The following ZBBX variants were observed in gnomAD, a reference collection of about 807,000 sequenced individuals.
The protein encoded by ZBBX is zinc finger B-box domain-containing protein 1.
A neutral mutation model predicts 108.5 loss-of-function variants in ZBBX; 101 were observed. The observed-to-expected ratio is 0.93, with a 90% CI of 0.79 to 1.10. The LOEUF (loss-of-function observed/expected upper bound fraction) is 1.10, where lower values mean the gene tolerates loss of function less well. Among genes scored for constraint, ZBBX ranks in the 50% least tolerant of loss-of-function variants. The pLI is 0.00. For synonymous variants in ZBBX, 356 were observed against 323.4 expected, an observed-to-expected ratio of 1.10 and a Z score of -1.08; for missense variants, 1,009 against 941.4, an observed-to-expected ratio of 1.07 and a Z score of -0.94.
intron 9 of ZBBX, among the ~76,000 whole-genome samples, chr3:167,336,701 A>C (rs1739612031): frequency 6.6e-6 from 1 of 152,228 alleles, no homozygotes; most frequent in Non-Finnish European, 1.5e-5. Flanking sequence ...GATTTCCCGA[A>C]ACTGAAAATA....
intron 18 of ZBBX, among the ~76,000 whole-genome samples, chr3:167,295,920 T>A (rs1022669821): frequency 1.7e-4 from 25 of 151,214 alleles, no homozygotes; most frequent in African/African-American, 5.6e-4. Flanking sequence ...CATCAACTCG[T>A]TGATACTAAT....
chr3:167,376,408 T>C (rs1347521734), intron 2 of ZBBX, among the ~76,000 whole-genome samples: 1 of 152,190 alleles, frequency 6.6e-6, no homozygotes, highest in Non-Finnish European at 1.5e-5. Context: ...CTACAATTGA[T>C]AACTTTGTCA....
At chr3:167,197,346 G>A in the ZBBX span, among the ~76,000 whole-genome samples, 3 of 152,112 alleles carry the variant, frequency 2.0e-5, no homozygotes, top group Non-Finnish European at 4.4e-5. Flanking sequence ...AGACCATCCT[G>A]GCTAACACGG....
At chr3:167,207,503 G>A in the ZBBX span, among the ~76,000 whole-genome samples, 1 of 151,928 alleles carries the variant, frequency 6.6e-6, no homozygotes, top group Non-Finnish European at 1.5e-5. Context: ...ACCCAAAGAA[G>A]GCACCTTTTA....
intron 20 of ZBBX, among the ~76,000 whole-genome samples, chr3:167,263,930 T>C (rs1360428838): frequency 2.0e-5 from 3 of 152,236 alleles, no homozygotes; most frequent in African/African-American, 4.8e-5. Context: ...GTCACCATTA[T>C]ACCCTCTTGC....
Position 167,240,286 on chromosome 3 carries a change from A to G in ZBBX, c.*507T>C, listed in dbSNP as rs1466270695. Reference sequence around the variant, plus strand: ...GCAGAGTATGAAAAGTTTCACACCCATTTTATTTTTGGTCCTCTTTTTTTC... The same window carrying G: ...GCAGAGTATGAAAAGTTTCACACCCGTTTTATTTTTGGTCCTCTTTTTTTC... On this transcript the variant is annotated 3_prime_UTR_variant, in exon 22 of 22. Transcript: ENST00000675490. 6.5e-6 allele frequency: 1 copy of G among 152,740 alleles called. No individual in the cohort carries two copies. Among genetic ancestry groups the G allele is most frequent in the Non-Finnish European group, 1.5e-5 (1 of 68,498 alleles). 9.5% of individuals were successfully genotyped at this position (152,740 alleles called of 1,614,324 possible).
intron 20 of ZBBX, among the ~76,000 whole-genome samples, chr3:167,277,295 C>G (rs1219255751): frequency 6.6e-6 from 1 of 152,078 alleles, no homozygotes; most frequent in African/African-American, 2.4e-5. Flanking sequence ...AAGACACACA[C>G]AGACTGGCAA....
the ZBBX span, among the ~76,000 whole-genome samples, chr3:167,214,170 A>G: frequency 6.6e-6 from 1 of 152,272 alleles, no homozygotes; most frequent in South Asian, 2.1e-4. Context: ...TGACATATTA[A>G]CTTTGAATGT....
At chr3:167,315,412 T>A (rs530368983) in intron 15 of ZBBX, among the ~76,000 whole-genome samples, 8 of 152,216 alleles carry the variant, frequency 5.3e-5, no homozygotes, top group South Asian at 4.2e-4. Context: ...ATCCAGAGTA[T>A]CTTTAGAGAG....
rs1206093682 is a variant in ZBBX, at chr3:167,242,504, C to T, written c.2393+1G>A. 1 of 1,597,038 alleles carries T rather than the reference C, an allele frequency of 6.3e-7. No homozygotes were observed. The highest frequency in any genetic ancestry group is 1.4e-5 in the African/African-American group (1 of 73,978). On this transcript the variant is annotated splice_donor_variant, in intron 21 of 21. Coordinates refer to ENST00000675490, the MANE Select transcript of ZBBX (RefSeq NM_001199201.2). LOFTEE classifies it high-confidence loss of function. ...ATAAATAAACTGCAGGCTTAACTTA[C>T]CTCAATTCCTCAACTCCACAGGGAC...
Position 167,242,470 on chromosome 3 carries a change from A to G in ZBBX, c.2393+35T>C, listed in dbSNP as rs377608887. On this transcript the variant is annotated intron_variant, in intron 21 of 21. Coordinates refer to ENST00000675490, the MANE Select transcript of ZBBX (RefSeq NM_001199201.2). ...GGAGCTTGTCAAAATTTTACTACAT[A>G]CTATATTAATAAATAAACTGCAGGC... 2.2e-5 allele frequency: 34 copies of G among 1,554,710 alleles called. No homozygotes were observed. In the African/African-American group the frequency reaches 3.9e-4, roughly 18 times the overall value.
chr3:167,366,377 G>A (rs1270397381), intron 5 of ZBBX, among the ~76,000 whole-genome samples: 1 of 151,820 alleles, frequency 6.6e-6, no homozygotes, highest in Non-Finnish European at 1.5e-5. Context: ...AGTGGATCTA[G>A]TAAGTGATGA....
intron 9 of ZBBX, among the ~76,000 whole-genome samples, chr3:167,348,053 C>A (rs1414231852): frequency 6.6e-6 from 1 of 151,804 alleles, no homozygotes; most frequent in African/African-American, 2.4e-5. Flanking sequence ...TTATTAGGAA[C>A]TTAAATACCA....
chr3:167,317,392 A>G, intron 13 of ZBBX, 96 bp downstream of exon 13: 2 of 881,848 alleles, frequency 2.3e-6, no homozygotes, highest in Middle Eastern at 2.5e-4. Flanking sequence ...TGAGAATAAT[A>G]TATTAAAGAA....
chr3:167,345,584 C>G (rs929788521), intron 9 of ZBBX, among the ~76,000 whole-genome samples: 2 of 151,794 alleles, frequency 1.3e-5, no homozygotes, highest in African/African-American at 4.8e-5. Context: ...AGAACATTTA[C>G]TTGTCATCCA....
the ZBBX span, among the ~76,000 whole-genome samples, chr3:167,207,562 C>A: frequency 6.6e-6 from 1 of 152,140 alleles, no homozygotes; most frequent in South Asian, 2.1e-4. Context: ...CAATGGAGTT[C>A]TGTTCATCCA....
In ZBBX at chr3:167,350,449, G is replaced by A; in HGVS notation, c.499C>T (p.Leu167=). Residue 167 remains leucine, a synonymous_variant, in exon 9 of 22, where the codon CTA becomes TTA. Coordinates refer to ENST00000675490, the MANE Select transcript of ZBBX (RefSeq NM_001199201.2). Reference sequence around the variant, plus strand: ...AAAAGAGTTGTTCTGTGGAGCTTTAGTGCCCCTTTCTGGTGAACTTTAGCA... The same window carrying A: ...AAAAGAGTTGTTCTGTGGAGCTTTAATGCCCCTTTCTGGTGAACTTTAGCA... The part of the protein sequence containing the change: ...CFAKVHQKGA[L]KLHRTTLLQA... 6.3e-7 allele frequency: 1 copy of A among 1,596,962 alleles called. No individual in the cohort carries two copies. The highest frequency in any genetic ancestry group is 8.6e-7 in the Non-Finnish European group (1 of 1,169,296).
the ZBBX span, among the ~76,000 whole-genome samples, chr3:167,213,453 G>A: frequency 4.6e-5 from 7 of 152,070 alleles, no homozygotes; most frequent in Non-Finnish European, 8.8e-5. Flanking sequence ...CTCAGAATTT[G>A]ATGACTGGTT....
chr3:167,283,314 C>T (rs1043119458), intron 19 of ZBBX, among the ~76,000 whole-genome samples: 5 of 151,956 alleles, frequency 3.3e-5, no homozygotes, highest in African/African-American at 1.2e-4. Context: ...CTTAATAAGG[C>T]CAAGACAGTT....
Sources: gnomAD v4.1 joint callset for allele counts (sites outside exome capture counted in the v4.1 genomes callset) on GRCh38, gnomAD v4.1.1 for gene constraint, MANE v1.5 for transcripts, NCBI Gene and HGNC (gene_info 2026-07-23, HGNC 2026-07-21) for gene names.